Variants in CD84 observed in about 807,000 individuals in gnomAD.
CD84 encodes SLAM family member 5.
CD84 carries 22 observed loss-of-function variants against 33.8 expected under a neutral mutation model. The observed-to-expected ratio is 0.65, with a 90% CI of 0.46 to 0.93. The LOEUF is 0.93. Among genes scored for constraint, CD84 ranks in the 40% least tolerant of loss-of-function variants. The pLI is 0.00. For missense variants in CD84, 400 were observed against 397.6 expected (o/e 1.01, Z -0.05); for synonymous variants, 154 against 145.2 (o/e 1.06, Z -0.44).
chr1:160,571,633 A>T lies in CD84; in HGVS notation c.47-5888T>A, dbSNP rs537593312. On this transcript the variant is annotated intron_variant, in intron 1 of 6. Transcript: ENST00000368054. ...GTAGCTAGAAGGTCAGGTGAAACTA[A>T]TTTATTTTTGTTTTAAAATAGAAGA... Among the ~76,000 whole-genome samples, 28 of 151,866 alleles carry T rather than the reference A, an allele frequency of 1.8e-4. 1 individual carries two copies. In the East Asian group the frequency reaches 5.5e-3, roughly 30 times the overall value.
At position 160,550,939 on chromosome 1, in the gene CD84, T is replaced by G. The variant is rs200118969; in HGVS notation, c.857A>C (p.Lys286Thr). The G allele has an allele frequency of 6.2e-7, 1 of 1,613,336 alleles. No homozygotes were observed. Among genetic ancestry groups the G allele is most frequent in the Admixed American group, 1.7e-5 (1 of 60,018 alleles). ...SRIYDEILQS[K>T]VLPSKEEPVN... ...TGTCCATGAATTGCATCAGCTCACCTTGGACTGCAGGATTTCATCATAGAT... is the reference window on the plus strand; with the variant it reads ...TGTCCATGAATTGCATCAGCTCACCGTGGACTGCAGGATTTCATCATAGAT... Residue 286 changes from lysine (K) to threonine (T), a missense_variant and splice_region_variant, in exon 5 of 7, where the codon AAG (lysine) becomes ACG (threonine). Coordinates refer to ENST00000368054, the MANE Select transcript of CD84 (RefSeq NM_003874.4).
chr1:160,575,324 G>C (rs533040353), intron 1 of CD84, among the ~76,000 whole-genome samples: 3 of 152,200 alleles, frequency 2.0e-5, no homozygotes, highest in African/African-American at 7.2e-5. Flanking sequence ...ACAGGGCTGG[G>C]CAGGCAGAAA....
intron 1 of CD84, among the ~76,000 whole-genome samples, chr1:160,570,022 A>G (rs1657591921): frequency 6.6e-6 from 1 of 152,036 alleles, no homozygotes; most frequent in African/African-American, 2.4e-5. Flanking sequence ...CAGGAAGGAG[A>G]GGCTGCATCA....
At chr1:160,553,601 C>G in intron 3 of CD84, 104 bp from the exon 4 acceptor site, 1 of 1,345,906 alleles carries the variant, frequency 7.4e-7, no homozygotes, top group Non-Finnish European at 1.0e-6. Context: ...GGGTGCCCTC[C>G]GAAGGAGTGC....
chr1:160,557,300 G>A (rs1029054291), intron 2 of CD84, among the ~76,000 whole-genome samples: 2 of 152,132 alleles, frequency 1.3e-5, no homozygotes, highest in African/African-American at 2.4e-5. Flanking sequence ...TATATTAATC[G>A]AACATTCACA....
intron 2 of CD84, 47 bp downstream of exon 2, chr1:160,565,357 T>C: frequency 6.9e-7 from 1 of 1,450,632 alleles, no homozygotes; most frequent in African/African-American, 1.4e-5. Flanking sequence ...ATAGCAAACT[T>C]GCAAAGTAAA....
intron 2 of CD84, among the ~76,000 whole-genome samples, chr1:160,564,996 A>C (rs1040773444): frequency 6.6e-6 from 1 of 152,210 alleles, no homozygotes; most frequent in Non-Finnish European, 1.5e-5. Context: ...AGGTGTTAAC[A>C]CAGGGTGAAG....
chr1:160,548,170 T>C lies in CD84; in HGVS notation c.*86A>G, dbSNP rs372656815. 7.3e-5 allele frequency: 101 copies of C among 1,390,616 alleles called. No homozygotes were observed. The East Asian group carries it at 9.7e-4, about 13-fold the overall frequency. 86.1% of individuals were successfully genotyped at this position (1,390,616 alleles called of 1,614,324 possible). On this transcript the variant is annotated 3_prime_UTR_variant, in exon 7 of 7. Transcript: ENST00000368054. Reference sequence around the variant, plus strand: ...GCAGTTTGCAATCTCCCAGTAAGAGTTGGGCAGAGAAGATCTGGATCCAGG... The same window carrying C: ...GCAGTTTGCAATCTCCCAGTAAGAGCTGGGCAGAGAAGATCTGGATCCAGG...
Position 160,551,292 on chromosome 1 carries a change from T to C in CD84, c.761-257A>G, listed in dbSNP as rs1656202565. 14 of 422,710 alleles carry C rather than the reference T, an allele frequency of 3.3e-5. No homozygotes were observed. The East Asian group carries it at 6.8e-4, about 20-fold the overall frequency. The allele number at this position is 422,710 out of a possible 1,614,324, so 26.2% of individuals were successfully genotyped here. A position where few individuals can be genotyped will look rare whatever the true frequency, so the allele number is the denominator to read the frequency against. On this transcript the variant is annotated intron_variant, in intron 4 of 6. Transcript: ENST00000368054. ...AAAGACAATTTCCCCAACCCCTCCC[T>C]GTGTGGCCAGTCAAATGTAGCTCTT...
intron 4 of CD84, chr1:160,552,652 A>G (rs538419144): frequency 5.7e-5 from 72 of 1,271,442 alleles, no homozygotes; most frequent in Non-Finnish European, 7.7e-5. Context: ...TCTGTTGGGA[A>G]CTCCCCATCC....
At chr1:160,569,540 ACGCACG>A (rs764258378) in intron 1 of CD84, among the ~76,000 whole-genome samples, 761 of 70,620 alleles carry the variant, frequency 0.011, 6 homozygotes, top group African/African-American at 0.03. Context: ...ACACACACAC[ACGCACG>A]CACGCACGCA....
At chr1:160,550,025 C>CT (rs58960001) in intron 5 of CD84, 46 bp from the exon 6 acceptor site, 427,379 of 1,297,708 alleles carry the variant, frequency 0.33, 72,441 homozygotes, top group African/African-American at 0.46. Flanking sequence ...CCAGGCCCAT[C>CT]TACAAGTCCC....
chr1:160,553,211 G>T, intron 4 of CD84, 167 bp downstream of exon 4: 1 of 1,118,508 alleles, frequency 8.9e-7, no homozygotes, highest in Non-Finnish European at 1.3e-6. Flanking sequence ...TCAGGGTAAT[G>T]TCATACCATC....
chr1:160,543,163 G>A lies in CD84; in HGVS notation c.*5093C>T, dbSNP rs1051382995. On this transcript the variant is annotated 3_prime_UTR_variant, in exon 7 of 7. Coordinates refer to ENST00000368054, the MANE Select transcript of CD84 (RefSeq NM_003874.4). ...TTGAGTGGTTATCCAGATAGCAATG[G>A]AATTAATATATTAATATATTTACTT... 2 of 152,078 alleles carry A rather than the reference G, an allele frequency of 1.3e-5. No homozygotes were observed. The highest frequency in any genetic ancestry group is 4.8e-5 in the African/African-American group (2 of 41,404). The allele number at this position is 152,078 out of a possible 1,614,324, so 9.4% of individuals were successfully genotyped here.
intron 4 of CD84, 154 bp from the exon 5 acceptor site, chr1:160,551,189 G>A (rs1656196228): frequency 4.6e-6 from 3 of 648,306 alleles, no homozygotes; most frequent in African/African-American, 3.7e-5. Flanking sequence ...TCCTCAGAAT[G>A]TCTCAGGAGT....
chr1:160,550,466 G>A, intron 5 of CD84: 1 of 231,266 alleles, frequency 4.3e-6, no homozygotes, highest in Middle Eastern at 2.2e-3. Flanking sequence ...GAGGGGTGTG[G>A]AACAGTGACT....
chr1:160,565,131 G>A (rs114382135), intron 2 of CD84, among the ~76,000 whole-genome samples: 27 of 152,170 alleles, frequency 1.8e-4, no homozygotes, highest in African/African-American at 6.0e-4. Context: ...ATAACCCTGG[G>A]AAGTGAGTAG....
At chr1:160,554,272 T>A in intron 2 of CD84, 126 bp from the exon 3 acceptor site, 3 of 974,892 alleles carry the variant, frequency 3.1e-6, no homozygotes, top group Non-Finnish European at 4.1e-6. Context: ...AAAACATAAT[T>A]AAATAAATTA....
At chr1:160,552,999 T>A (rs1656338922) in intron 4 of CD84, 1 of 573,504 alleles carries the variant, frequency 1.7e-6, no homozygotes. Flanking sequence ...GACTCTCCAA[T>A]AGTCATAATC....
Sources: gnomAD v4.1 joint callset for allele counts (sites outside exome capture counted in the v4.1 genomes callset) on GRCh38, gnomAD v4.1.1 for gene constraint, MANE v1.5 for transcripts, NCBI Gene and HGNC (gene_info 2026-07-23, HGNC 2026-07-21) for gene names.